The following SYNPO2 variants were observed in gnomAD, a reference collection of about 807,000 sequenced individuals.
SYNPO2 encodes synaptopodin 2, also known as synaptopodin-2.
In SYNPO2, 56 loss-of-function variants were observed where a neutral mutation model predicts 85.0. That is an observed-to-expected ratio of 0.66 (90% CI 0.53 to 0.82). The LOEUF (loss-of-function observed/expected upper bound fraction) is 0.82, where lower values mean the gene tolerates loss of function less well. Ranked by LOEUF, SYNPO2 falls within the 40% of genes least tolerant of loss-of-function variation. The pLI is 0.00. For missense variants in SYNPO2, 1,575 were observed against 1,534.2 expected (o/e 1.03, Z -0.44); for synonymous variants, 602 against 591.1 (o/e 1.02, Z -0.27).
intron 1 of SYNPO2, among the ~76,000 whole-genome samples, chr4:118,905,079 A>C (rs1255947600): frequency 2.0e-5 from 3 of 152,192 alleles, no homozygotes; most frequent in Non-Finnish European, 4.4e-5. Context: ...TCATTACTCC[A>C]TCCTACCCGC....
rs1239914203 is a variant in SYNPO2, at chr4:119,030,444, G to A, written c.1669G>A (p.Val557Met). 2.5e-6 allele frequency: 4 copies of A among 1,614,170 alleles called. No individual in the cohort carries two copies. Among genetic ancestry groups the A allele is most frequent in the Non-Finnish European group, 3.4e-6 (4 of 1,180,030 alleles). ...QSSVSKSYIEVSHGLGHVPQQ... is the reference protein window; with the variant it reads ...QSSVSKSYIEMSHGLGHVPQQ... ...CTCTGTGAGCAAAAGCTACATCGAG[G>A]TGAGTCATGGTCTTGGCCATGTTCC... is the stretch of plus-strand genomic sequence containing the variant. The change falls in exon 4 of 5, where the codon GTG (valine) becomes ATG (methionine). Residue 557 changes from valine (V) to methionine (M), a missense_variant. By Grantham distance (21) the Val-to-Met change is conservative. Around this residue, in one of 3 missense-constraint regions of SYNPO2, gnomAD observed 1,508 missense variants for 1,446.8 expected, o/e 1.04. Transcript: ENST00000307142.
At chr4:119,036,263 T>C in intron 4 of SYNPO2, 1 of 985,432 alleles carries the variant, frequency 1.0e-6, no homozygotes, top group Middle Eastern at 5.2e-4. Context: ...GTGTGCTCAT[T>C]CTCTTTAAAA....
chr4:119,012,375 C>CTTTTTT (rs10651853), intron 1 of SYNPO2, among the ~76,000 whole-genome samples: 652 of 109,544 alleles, frequency 6.0e-3, no homozygotes, highest in East Asian at 0.011. Context: ...TCCCCCTTTT[C>CTTTTTT]TTTTTTTTTT....
chr4:119,046,134 A>C (rs1430471265), intron 4 of SYNPO2, among the ~76,000 whole-genome samples: 1 of 152,180 alleles, frequency 6.6e-6, no homozygotes, highest in East Asian at 1.9e-4. Flanking sequence ...GGATTAATTG[A>C]GGTAACAAAT....
intron 1 of SYNPO2, among the ~76,000 whole-genome samples, chr4:118,948,025 TTTTGGTTAGTTAA>T (rs1734563658): frequency 6.6e-6 from 1 of 152,142 alleles, no homozygotes; most frequent in African/African-American, 2.4e-5. Context: ...AAGGAAACTT[TTTTGGTTAGTTAA>T]TTTGGTTAGT....
At chr4:119,007,377 A>G (rs1383847569) in intron 1 of SYNPO2, among the ~76,000 whole-genome samples, 1 of 146,638 alleles carries the variant, frequency 6.8e-6, no homozygotes, top group African/African-American at 2.5e-5. Flanking sequence ...GAAAAAGATC[A>G]TCCTGAAATG....
At chr4:118,908,396 T>A (rs1424311875) in intron 1 of SYNPO2, among the ~76,000 whole-genome samples, 1 of 152,176 alleles carries the variant, frequency 6.6e-6, no homozygotes, top group Non-Finnish European at 1.5e-5. Flanking sequence ...CATACTTCCA[T>A]TTCTAAACAT....
At chr4:118,883,105 G>C (rs908004237) in intron 1 of SYNPO2, among the ~76,000 whole-genome samples, 1 of 150,788 alleles carries the variant, frequency 6.6e-6, no homozygotes, top group Non-Finnish European at 1.5e-5. Flanking sequence ...AGGAAGATTT[G>C]ATGGCCCAAA....
rs10523074 is a variant in SYNPO2, at chr4:118,964,297, A to AACACACACACACACAC, written c.106-59104_106-59089dup. 9.5e-4 allele frequency among the ~76,000 whole-genome samples: 133 copies of AACACACACACACACAC among 140,708 alleles called. 2 individuals carry two copies. Among genetic ancestry groups the AACACACACACACACAC allele is most frequent in the African/African-American group, 3.3e-3 (123 of 37,136 alleles). The allele number at this position is 140,708 out of a possible 152,430, so 92.3% of individuals were successfully genotyped here. The stretch of plus-strand genomic sequence containing the variant: ...AACCCTGTCTCTACAAAACACACAC[A>AACACACACACACACAC]ACACACACACACACACACACACACA... On this transcript the variant is annotated intron_variant, in intron 1 of 4. Transcript: ENST00000307142.
Position 119,031,218 on chromosome 4 carries a change from C to G in SYNPO2, c.2443C>G (p.Pro815Ala), listed in dbSNP as rs749898945. The change falls in exon 4 of 5, where the codon CCT (proline) becomes GCT (alanine). Residue 815 changes from proline (P) to alanine (A), a missense_variant. Transcript: ENST00000307142. Reference protein sequence around the residue: ...SIKIAQPSYPPARPASTLNVA... With the variant: ...SIKIAQPSYPAARPASTLNVA... ...CAAAATAGCCCAGCCTTCTTACCCT[C>G]CTGCCCGGCCTGCAAGTACTTTGAA... The G allele has an allele frequency of 6.2e-7, 1 of 1,614,196 alleles. No individual in the cohort carries two copies. Among genetic ancestry groups the G allele is most frequent in the Non-Finnish European group, 8.5e-7 (1 of 1,180,038 alleles).
chr4:118,861,927 C>T (rs192167988), intron 1 of SYNPO2, among the ~76,000 whole-genome samples: 77 of 152,144 alleles, frequency 5.1e-4, no homozygotes, highest in African/African-American at 1.8e-3. Context: ...TAGATTGCTT[C>T]AGGTAGTATG....
intron 1 of SYNPO2, among the ~76,000 whole-genome samples, chr4:118,902,764 G>T (rs1008578324): frequency 6.6e-6 from 1 of 152,024 alleles, no homozygotes; most frequent in African/African-American, 2.4e-5. Context: ...AAGGAGTGTC[G>T]AGGAGAATTT....
Position 119,031,560 on chromosome 4 carries a change from C to G in SYNPO2, c.2785C>G (p.His929Asp). 6.2e-7 allele frequency: 1 copy of G among 1,614,158 alleles called. No homozygotes were observed. Among genetic ancestry groups the G allele is most frequent in the Non-Finnish European group, 8.5e-7 (1 of 1,180,034 alleles). ...APPPVAYNPI[H>D]SPSYPLAALK... ...TCCTCCTGTGGCCTATAATCCTATC[C>G]ACTCGCCGTCTTACCCACTGGCTGC... Residue 929 changes from histidine (H) to aspartate (D), a missense_variant, in exon 4 of 5, where the codon CAC becomes GAC. By Grantham distance (81) the His-to-Asp change is moderately conservative. Coordinates refer to ENST00000307142, the MANE Select transcript of SYNPO2 (RefSeq NM_133477.3).
At chr4:118,892,091 A>T (rs568733432) in intron 1 of SYNPO2, among the ~76,000 whole-genome samples, 5 of 152,192 alleles carry the variant, frequency 3.3e-5, no homozygotes, top group Non-Finnish European at 7.4e-5. Flanking sequence ...CCTTATATTG[A>T]CATATTTAGT....
At chr4:118,997,676 AC>A (rs1372100718) in intron 1 of SYNPO2, among the ~76,000 whole-genome samples, 2 of 152,184 alleles carry the variant, frequency 1.3e-5, no homozygotes, top group Non-Finnish European at 2.9e-5. Flanking sequence ...TGCACCTGTT[AC>A]TTGCACCAGG....
At chr4:118,928,836 G>A (rs1024114406) in intron 1 of SYNPO2, among the ~76,000 whole-genome samples, 4 of 152,170 alleles carry the variant, frequency 2.6e-5, no homozygotes, top group African/African-American at 9.6e-5. Context: ...ATGTAAAGCA[G>A]CTTCAGAAGC....
Position 119,034,291 on chromosome 4 carries a change from A to G in SYNPO2, c.3252+2264A>G, listed in dbSNP as rs1385383689. 4.1e-6 allele frequency: 4 copies of G among 985,038 alleles called. No homozygotes were observed. In the African/African-American group the frequency reaches 7.0e-5, roughly 17 times the overall value. 61.0% of individuals were successfully genotyped at this position (985,038 alleles called of 1,614,324 possible). On this transcript the variant is annotated intron_variant, in intron 4 of 4. Transcript: ENST00000307142. ...GAATTAGAGGAAAGACATGGAACACACAGGTAGTCGGTTTGAGATCATCGG... is the reference window on the plus strand; with the variant it reads ...GAATTAGAGGAAAGACATGGAACACGCAGGTAGTCGGTTTGAGATCATCGG...
rs1298351813 is a variant in SYNPO2 at position 119,057,576 on chromosome 4, T to C, written c.3428T>C (p.Val1143Ala). The C allele has an allele frequency of 1.9e-6, 3 of 1,614,052 alleles. No individual in the cohort carries two copies. Among genetic ancestry groups the C allele is most frequent in the East Asian group, 2.2e-5 (1 of 44,848 alleles). Residue 1143 changes from valine to alanine, a missense_variant, in exon 5 of 5, where the codon GTG (valine) becomes GCG (alanine). Physicochemically the swap from Val to Ala is moderately conservative, Grantham distance 64 (BLOSUM62 0). This residue lies in a region of SYNPO2 where 1,508 missense variants were observed against 1,446.8 expected (regional missense o/e 1.04). Coordinates refer to ENST00000307142, the MANE Select transcript of SYNPO2 (RefSeq NM_133477.3). Reference protein sequence around the residue: ...EAAAKSPLGLVDDAFQPRNIQ... With the variant: ...EAAAKSPLGLADDAFQPRNIQ... ...GCAGCAAAGTCTCCTCTCGGTCTAG[T>C]GGATGATGCTTTCCAACCCAGAAAC...
chr4:118,921,447 T>C (rs1288510436), intron 1 of SYNPO2, among the ~76,000 whole-genome samples: 2 of 152,158 alleles, frequency 1.3e-5, no homozygotes, highest in East Asian at 3.9e-4. Context: ...TGCCACTGTC[T>C]TGATTAAAAT....
Sources: gnomAD v4.1 joint callset for allele counts (sites outside exome capture counted in the v4.1 genomes callset) on GRCh38, gnomAD v4.1.1 for gene constraint, gnomAD v4.1.1 regional missense constraint, MANE v1.5 for transcripts, NCBI Gene and HGNC (gene_info 2026-07-23, HGNC 2026-07-21) for gene names.